The following ACOXL variants were observed in gnomAD, a reference collection of about 807,000 sequenced individuals.
ACOXL encodes the protein acyl-CoA oxidase like, also known as acyl-coenzyme A oxidase-like protein.
A neutral mutation model predicts 71.9 loss-of-function variants in ACOXL; 70 were observed. The observed-to-expected ratio is 0.97, with a 90% CI of 0.80 to 1.19. ACOXL has a LOEUF of 1.19. ACOXL is among the 50% of genes most tolerant of loss of function. The pLI is 0.00. For missense variants in ACOXL, 703 were observed against 736.3 expected, an observed-to-expected ratio of 0.95 and a Z score of 0.52; for synonymous variants, 253 against 281.6, an observed-to-expected ratio of 0.90 and a Z score of 1.02.
At chr2:110,734,175 G>A (rs1212243616) in intron 1 of ACOXL, among the ~76,000 whole-genome samples, 1 of 151,744 alleles carries the variant, frequency 6.6e-6, no homozygotes. Flanking sequence ...ATTTTCAAAT[G>A]AATTAATAAA....
intron 12 of ACOXL, chr2:110,963,825 A>G: frequency 7.0e-7 from 1 of 1,434,074 alleles, no homozygotes; most frequent in South Asian, 1.4e-5. Context: ...CTTTCCTGTT[A>G]GGCACTTGAT....
At chr2:111,001,893 G>A (rs971291633) in intron 14 of ACOXL, among the ~76,000 whole-genome samples, 1 of 152,180 alleles carries the variant, frequency 6.6e-6, no homozygotes, top group African/African-American at 2.4e-5. Flanking sequence ...AATCATTAAG[G>A]ATGATTAGGA....
At chr2:111,032,368 A>G (rs1048252714) in intron 15 of ACOXL, among the ~76,000 whole-genome samples, 4 of 152,232 alleles carry the variant, frequency 2.6e-5, no homozygotes, top group Non-Finnish European at 5.9e-5. Context: ...AGAATTATCT[A>G]GCCCCAAATG....
At chr2:111,064,687 C>T (rs2066981572) in intron 16 of ACOXL, among the ~76,000 whole-genome samples, 1 of 152,002 alleles carries the variant, frequency 6.6e-6, no homozygotes, top group African/African-American at 2.4e-5. Flanking sequence ...ATGCAGAATC[C>T]GTGGATATGG....
At chr2:110,947,896 C>T (rs2061167532) in intron 12 of ACOXL, among the ~76,000 whole-genome samples, 1 of 152,212 alleles carries the variant, frequency 6.6e-6, no homozygotes, top group African/African-American at 2.4e-5. Flanking sequence ...TTACCTGAGC[C>T]CGGATGCCCA....
At chr2:110,817,911 T>C (rs544373920) in intron 9 of ACOXL, among the ~76,000 whole-genome samples, 1 of 152,060 alleles carries the variant, frequency 6.6e-6, no homozygotes, top group South Asian at 2.1e-4. Flanking sequence ...TTTCTTCTAT[T>C]TGCCGTCTCG....
chr2:110,904,513 C>T (rs1439574595), intron 10 of ACOXL, among the ~76,000 whole-genome samples: 2 of 152,140 alleles, frequency 1.3e-5, no homozygotes, highest in Non-Finnish European at 2.9e-5. Context: ...GCGGGCCTTC[C>T]CTCAGTGGGC....
At chr2:110,947,521 G>A (rs2061153095) in intron 12 of ACOXL, among the ~76,000 whole-genome samples, 1 of 152,164 alleles carries the variant, frequency 6.6e-6, no homozygotes, top group African/African-American at 2.4e-5. Flanking sequence ...CCAGAACATG[G>A]TAGATATTCA....
intron 3 of ACOXL, among the ~76,000 whole-genome samples, chr2:110,788,116 C>T (rs1330117387): frequency 6.6e-6 from 1 of 152,126 alleles, no homozygotes; most frequent in Non-Finnish European, 1.5e-5. Context: ...TACCATACAG[C>T]CCAGCATTCC....
intron 16 of ACOXL, among the ~76,000 whole-genome samples, chr2:111,088,920 C>T (rs1372910016): frequency 6.6e-6 from 1 of 152,116 alleles, no homozygotes; most frequent in Non-Finnish European, 1.5e-5. Flanking sequence ...TAGAAGGCTG[C>T]CTAGTTAAGT....
chr2:111,117,326 G>C (rs192863993), intron 17 of ACOXL, among the ~76,000 whole-genome samples: 35 of 152,330 alleles, frequency 2.3e-4, no homozygotes, highest in African/African-American at 8.2e-4. Flanking sequence ...CCTTGGTCTC[G>C]AGTTCCCGGC....
chr2:110,835,198 A>C (rs1263171815), intron 9 of ACOXL, among the ~76,000 whole-genome samples: 1 of 152,122 alleles, frequency 6.6e-6, no homozygotes, highest in African/African-American at 2.4e-5. Flanking sequence ...AAGAGCCTAC[A>C]TATTATATTT....
At chr2:110,868,652 AACCCCAG>A (rs1437300719) in intron 10 of ACOXL, among the ~76,000 whole-genome samples, 1 of 152,134 alleles carries the variant, frequency 6.6e-6, no homozygotes, top group African/African-American at 2.4e-5. Context: ...GCACTGGTGC[AACCCCAG>A]CTCACTGCAG....
At chr2:110,874,212 G>T (rs376134517) in intron 10 of ACOXL, among the ~76,000 whole-genome samples, 1 of 152,130 alleles carries the variant, frequency 6.6e-6, no homozygotes, top group Non-Finnish European at 1.5e-5. Flanking sequence ...GAATGCTTTT[G>T]GGGGGGTGGT....
chr2:111,013,429 A>G (rs1168823142), intron 14 of ACOXL, among the ~76,000 whole-genome samples: 1 of 150,340 alleles, frequency 6.7e-6, no homozygotes, highest in Non-Finnish European at 1.5e-5. Context: ...AGGCTGAGGC[A>G]GGAGAATCAC....
chr2:110,976,117 A>G (rs1016299545), intron 12 of ACOXL, among the ~76,000 whole-genome samples: 1 of 152,210 alleles, frequency 6.6e-6, no homozygotes, highest in Admixed American at 6.5e-5. Context: ...ATTTCAGAAC[A>G]TCAAGCAAGG....
intron 9 of ACOXL, among the ~76,000 whole-genome samples, chr2:110,820,093 A>G (rs995929050): frequency 2.6e-5 from 4 of 152,124 alleles, no homozygotes; most frequent in African/African-American, 9.7e-5. Flanking sequence ...GTTATTTCCC[A>G]ACATTCCCTA....
At chr2:111,102,690 A>T (rs139629403) in intron 17 of ACOXL, among the ~76,000 whole-genome samples, 5 of 152,154 alleles carry the variant, frequency 3.3e-5, no homozygotes, top group Non-Finnish European at 1.5e-5. Context: ...TCTGAGTCCA[A>T]TCAGACTCCA....
At chr2:110,974,944 G>A (rs575572014) in intron 12 of ACOXL, among the ~76,000 whole-genome samples, 1 of 152,212 alleles carries the variant, frequency 6.6e-6, no homozygotes, top group African/African-American at 2.4e-5. Flanking sequence ...GCCGAGATGT[G>A]GTTTGGGGTA....
Sources: gnomAD v4.1 joint callset for allele counts (sites outside exome capture counted in the v4.1 genomes callset) on GRCh38, gnomAD v4.1.1 for gene constraint, MANE v1.5 for transcripts, NCBI Gene and HGNC (gene_info 2026-07-23, HGNC 2026-07-21) for gene names.